GANC: variants seen among roughly 807,000 people sequenced by gnomAD.
The protein encoded by GANC is glucosidase alpha, neutral C, also known as neutral alpha-glucosidase C.
A neutral mutation model predicts 124.2 loss-of-function variants in GANC; 117 were observed. That is an observed-to-expected ratio of 0.94 (90% CI 0.81 to 1.10). The LOEUF (loss-of-function observed/expected upper bound fraction) is 1.10, where lower values mean the gene tolerates loss of function less well. Among genes scored for constraint, GANC ranks in the 50% least tolerant of loss-of-function variants. The probability of loss-of-function intolerance (pLI) is 0.00; values close to 1 mark genes in which losing one functional copy is unlikely to be tolerated. For missense variants in GANC, 1,140 were observed against 1,095.0 expected (o/e 1.04, Z -0.58); for synonymous variants, 377 against 376.8 (o/e 1.00, Z -0.01).
chr15:42,322,084 C>A, intron 11 of GANC, 64 bp downstream of exon 11: 1 of 1,342,494 alleles, frequency 7.4e-7, no homozygotes, highest in South Asian at 1.3e-5. Context: ...TTTAGACTTG[C>A]CTTGGCACAT....
intron 18 of GANC, among the ~76,000 whole-genome samples, 177 bp downstream of exon 18, chr15:42,340,931 A>C (rs113090930): frequency 0.084 from 12,689 of 151,208 alleles, 612 homozygotes; most frequent in South Asian, 0.18. Context: ...ATGCCCGGCT[A>C]ATTTTTGTAT....
intron 15 of GANC, 87 bp downstream of exon 15, chr15:42,330,759 C>A: frequency 1.5e-6 from 1 of 646,378 alleles, no homozygotes; most frequent in Non-Finnish European, 2.5e-6. Context: ...TGTGCTGATG[C>A]CTTCCTTTTC....
chr15:42,290,043 T>C (rs997590945), intron 4 of GANC, among the ~76,000 whole-genome samples: 1 of 152,244 alleles, frequency 6.6e-6, no homozygotes, highest in Non-Finnish European at 1.5e-5. Flanking sequence ...TCAAAAATTA[T>C]GAGAAAATAA....
At chr15:42,347,700 A>G (rs1369616413) in intron 20 of GANC, among the ~76,000 whole-genome samples, 1 of 152,228 alleles carries the variant, frequency 6.6e-6, no homozygotes, top group Non-Finnish European at 1.5e-5. Context: ...CCACTCACAC[A>G]GACAGAAAAC....
chr15:42,273,529 C>G lies in GANC; in HGVS notation c.-953C>G. ...GTCGCGGAGCTTGTTTGCTGTGCGGCGTAGCGGCCCCTCTCTCAGACAGTC... is the reference window on the plus strand; with the variant it reads ...GTCGCGGAGCTTGTTTGCTGTGCGGGGTAGCGGCCCCTCTCTCAGACAGTC... On this transcript the variant is annotated 5_prime_UTR_variant, in exon 1 of 24. Coordinates refer to ENST00000318010, the MANE Select transcript of GANC (RefSeq NM_198141.3). 2 of 1,443,954 alleles carry G rather than the reference C, an allele frequency of 1.4e-6. No individual in the cohort carries two copies. The highest frequency in any genetic ancestry group is 1.8e-6 in the Non-Finnish European group (2 of 1,085,818). The allele number at this position is 1,443,954 out of a possible 1,614,324, so 89.4% of individuals were successfully genotyped here. A position where few individuals can be genotyped will look rare whatever the true frequency, so the allele number is the denominator to read the frequency against.
At chr15:42,302,400 C>A (rs927382104) in intron 6 of GANC, among the ~76,000 whole-genome samples, 6 of 152,168 alleles carry the variant, frequency 3.9e-5, no homozygotes, top group Admixed American at 1.3e-4. Context: ...TAAGGAAAAA[C>A]CAGCGCAAAA....
At chr15:42,306,794 C>T (rs1301059123) in intron 7 of GANC, among the ~76,000 whole-genome samples, 182 bp downstream of exon 7, 1 of 152,180 alleles carries the variant, frequency 6.6e-6, no homozygotes, top group African/African-American at 2.4e-5. Context: ...CAATTATTTG[C>T]CTTTTGTAGG....
intron 3 of GANC, chr15:42,283,507 A>T (rs2051754491): frequency 3.2e-6 from 2 of 626,682 alleles, no homozygotes; most frequent in Non-Finnish European, 5.7e-6. Flanking sequence ...CTTAAATAGC[A>T]TTGCTAGCAA....
rs114569596 is a variant in GANC, at chr15:42,297,860, C to G, written c.558+204C>G. ...TTATTCATTCATTCATTCATTCATT[C>G]ATAAAAACAGATGCTTCCTGAGTGC... On this transcript the variant is annotated intron_variant, in intron 6 of 23. Transcript: ENST00000318010. Among the ~76,000 whole-genome samples the G allele has an allele frequency of 6.8e-3, 1,027 of 152,036 alleles. 14 individuals carry two copies. The highest frequency in any genetic ancestry group is 0.024 in the African/African-American group (994 of 41,476).
At position 42,351,430 on chromosome 15, in the gene GANC, C is replaced by T; in HGVS notation, c.2633C>T (p.Ser878Phe). 1 of 1,607,254 alleles carries T rather than the reference C, an allele frequency of 6.2e-7. No individual in the cohort carries two copies. The highest frequency in any genetic ancestry group is 8.5e-7 in the Non-Finnish European group (1 of 1,173,840). ...KEPSSVTTHS[S>F]DGKDQPVAFT... ...CCATCTTCTGTGACTACCCACTCAT[C>T]TGGTGAGAAAGCAGTCCATTCTTAC... Residue 878 changes from serine to phenylalanine, a missense_variant and splice_region_variant, in exon 23 of 24, where the codon TCT becomes TTT. Ser to Phe is a radical substitution (Grantham distance 155, BLOSUM62 -2). Coordinates refer to ENST00000318010, the MANE Select transcript of GANC (RefSeq NM_198141.3).
In GANC at chr15:42,349,480, G is replaced by A; in HGVS notation, c.2516G>A (p.Ser839Asn). 1 of 1,605,828 alleles carries A rather than the reference G, an allele frequency of 6.2e-7. No homozygotes were observed. The highest frequency in any genetic ancestry group is 8.5e-7 in the Non-Finnish European group (1 of 1,172,628). ...CACAGGAAGTTTTCATTCTGTTCCA[G>A]TGTTCTGATCAATAGGTAATGGCAG... The part of the protein sequence containing the change: ...FLHRKFSFCS[S>N]VLINSFADQR... The change falls in exon 22 of 24, where the codon AGT becomes AAT. Residue 839 changes from serine (S) to asparagine (N), a missense_variant. By Grantham distance (46) the Ser-to-Asn change is conservative. Transcript: ENST00000318010.
At chr15:42,343,246 T>G in intron 19 of GANC, 92 bp downstream of exon 19, 1 of 1,081,888 alleles carries the variant, frequency 9.2e-7, no homozygotes, top group Non-Finnish European at 1.4e-6. Context: ...CATGTGTTTG[T>G]GAACACACCC....
rs2141083096 is a variant in GANC at position 42,348,100 on chromosome 15, C to G, written c.2305-3C>G. The stretch of plus-strand genomic sequence containing the variant: ...CTTCCCTGAGCGTGCTGCTCTGTTA[C>G]AGATTCCAGTGTTTCAGCGAGGTGG... On this transcript the variant is annotated splice_region_variant and splice_polypyrimidine_tract_variant and intron_variant, in intron 20 of 23. Transcript: ENST00000318010. The G allele has an allele frequency of 6.3e-7, 1 of 1,575,910 alleles. No homozygotes were observed. The highest frequency in any genetic ancestry group is 1.8e-5 in the Admixed American group (1 of 56,934).
intron 15 of GANC, among the ~76,000 whole-genome samples, chr15:42,335,718 C>T (rs1409927390): frequency 2.6e-5 from 4 of 152,118 alleles, no homozygotes; most frequent in Admixed American, 2.6e-4. Context: ...CTAGAAAACC[C>T]CATAGTCTCA....
intron 8 of GANC, 113 bp downstream of exon 8, chr15:42,308,431 T>C: frequency 1.6e-6 from 1 of 626,740 alleles, no homozygotes; most frequent in Non-Finnish European, 2.9e-6. Flanking sequence ...CTTTTCCTCC[T>C]TTATATTGCT....
chr15:42,351,884 G>T (rs2052443686), intron 23 of GANC, 146 bp from the exon 24 acceptor site: 1 of 1,001,156 alleles, frequency 1.0e-6, no homozygotes, highest in Non-Finnish European at 1.4e-6. Context: ...AAAACTTCAT[G>T]GAAGTTCATG....
chr15:42,288,125 G>A (rs1464364091), intron 4 of GANC, among the ~76,000 whole-genome samples: 2 of 152,124 alleles, frequency 1.3e-5, no homozygotes, highest in Admixed American at 6.5e-5. Context: ...AAAGAAAGTG[G>A]TTTTATTAGC....
chr15:42,310,636 C>T, intron 9 of GANC, 57 bp from the exon 10 acceptor site: 1 of 1,577,566 alleles, frequency 6.3e-7, no homozygotes, highest in South Asian at 1.1e-5. Flanking sequence ...TTATATGTGG[C>T]TGGATGTTGC....
chr15:42,274,610 G>T, intron 1 of GANC, 100 bp downstream of exon 1: 1 of 1,173,814 alleles, frequency 8.5e-7, no homozygotes. Flanking sequence ...GGTATTTGCT[G>T]ACCTTTATCT....
Sources: allele counts gnomAD v4.1 joint callset (sites outside exome capture counted in the v4.1 genomes callset), GRCh38; gene constraint gnomAD v4.1.1; transcripts MANE v1.5; gene names NCBI Gene and HGNC (gene_info 2026-07-23, HGNC 2026-07-21).